Variants in ERO1B observed in about 807,000 individuals in gnomAD.
The protein encoded by ERO1B is ERO1-like protein beta.
A neutral mutation model predicts 75.3 loss-of-function variants in ERO1B; 49 were observed. The ratio of observed to expected loss-of-function variants is 0.65; its 90% CI spans 0.52 to 0.83. The LOEUF (loss-of-function observed/expected upper bound fraction) is 0.83, where lower values mean the gene tolerates loss of function less well. ERO1B is among the 40% of genes least tolerant of loss of function. ERO1B has a pLI of 0.00. For synonymous variants in ERO1B, 191 were observed against 192.9 expected (o/e 0.99, Z 0.08); for missense variants, 512 against 560.1 (o/e 0.91, Z 0.87).
At chr1:236,250,572 C>CATATATATATATAT (rs1171832762) in intron 4 of ERO1B, among the ~76,000 whole-genome samples, 2 of 86,416 alleles carry the variant, frequency 2.3e-5, no homozygotes, top group Non-Finnish European at 5.1e-5. Flanking sequence ...TAAATTTGAC[C>CATATATATATATAT]ATATATATAT....
intron 1 of ERO1B, among the ~76,000 whole-genome samples, chr1:236,281,062 G>T (rs528597733): frequency 2.9e-4 from 44 of 152,296 alleles, no homozygotes; most frequent in Non-Finnish European, 5.6e-4. Context: ...GACCCCCCCA[G>T]TCTCGTATTG....
At chr1:236,273,535 C>T (rs1296062192) in intron 1 of ERO1B, among the ~76,000 whole-genome samples, 1 of 152,144 alleles carries the variant, frequency 6.6e-6, no homozygotes, top group African/African-American at 2.4e-5. Context: ...AAGAGTTTCT[C>T]CAGGTTGGGC....
chr1:236,219,846 C>A (rs956955006), intron 15 of ERO1B, among the ~76,000 whole-genome samples: 2 of 151,758 alleles, frequency 1.3e-5, no homozygotes, highest in South Asian at 2.1e-4. Context: ...CAAAGTGAGA[C>A]CCCCATCTCT....
chr1:236,250,356 G>C (rs12405953), intron 4 of ERO1B, among the ~76,000 whole-genome samples: 10,398 of 151,820 alleles, frequency 0.068, 742 homozygotes, highest in East Asian at 0.39. Flanking sequence ...TGTAATCCCA[G>C]CTACTCGGGA....
intron 6 of ERO1B, among the ~76,000 whole-genome samples, chr1:236,239,662 A>C (rs1295608517): frequency 6.6e-6 from 1 of 151,446 alleles, no homozygotes; most frequent in Non-Finnish European, 1.5e-5. Flanking sequence ...TCTCTAAATT[A>C]TCTGGCCCTC....
At chr1:236,243,372 TA>T (rs1664761249) in intron 6 of ERO1B, 49 bp downstream of exon 6, 1 of 1,252,410 alleles carries the variant, frequency 8.0e-7, no homozygotes, top group Non-Finnish European at 1.1e-6. Context: ...AAATGTCTTA[TA>T]AAAGGGTTAA....
At chr1:236,260,997 A>G (rs968540989) in intron 2 of ERO1B, among the ~76,000 whole-genome samples, 3 of 145,622 alleles carry the variant, frequency 2.1e-5, no homozygotes, top group African/African-American at 7.5e-5. Context: ...GAGATGCAAG[A>G]GTAGTTTGAT....
At chr1:236,257,160 C>T (rs959655298) in intron 2 of ERO1B, among the ~76,000 whole-genome samples, 1 of 152,184 alleles carries the variant, frequency 6.6e-6, no homozygotes, top group Non-Finnish European at 1.5e-5. Context: ...CCACTAAGAA[C>T]AGAGACAGCA....
At chr1:236,247,943 A>T (rs1207498243) in intron 5 of ERO1B, among the ~76,000 whole-genome samples, 1 of 146,548 alleles carries the variant, frequency 6.8e-6, no homozygotes, top group African/African-American at 2.5e-5. Context: ...CTGACCACCC[A>T]ATTTAAAACA....
intron 2 of ERO1B, among the ~76,000 whole-genome samples, chr1:236,268,249 A>G (rs1024330234): frequency 3.3e-5 from 5 of 152,136 alleles, no homozygotes; most frequent in Admixed American, 2.0e-4. Flanking sequence ...TGACCAGCCT[A>G]GCCAACATGG....
intron 4 of ERO1B, among the ~76,000 whole-genome samples, chr1:236,250,486 A>G (rs555030244): frequency 6.6e-6 from 1 of 151,060 alleles, no homozygotes; most frequent in Non-Finnish European, 1.5e-5. Context: ...AAATAAATAA[A>G]AATTCAAAAG....
At chr1:236,281,584 G>GGCCCTGCCCA (rs1665830865) in intron 1 of ERO1B, 98 bp downstream of exon 1, 2 of 901,612 alleles carry the variant, frequency 2.2e-6, no homozygotes, top group Non-Finnish European at 3.0e-6. Context: ...TTTCTGGCCC[G>GGCCCTGCCCA]GCCCTGCCCG....
chr1:236,247,396 A>G (rs572151411), intron 5 of ERO1B, among the ~76,000 whole-genome samples: 8 of 152,168 alleles, frequency 5.3e-5, no homozygotes, highest in African/African-American at 9.6e-5. Context: ...CCAAAAGCTC[A>G]TATCTTCTCA....
chr1:236,268,853 T>C (rs755675620), intron 2 of ERO1B, among the ~76,000 whole-genome samples: 1 of 152,088 alleles, frequency 6.6e-6, no homozygotes, highest in Non-Finnish European at 1.5e-5. Context: ...GCCACTGCAC[T>C]CCAGCCTGGG....
intron 13 of ERO1B, among the ~76,000 whole-genome samples, chr1:236,222,458 A>G (rs1004875415): frequency 2.0e-5 from 3 of 152,190 alleles, no homozygotes; most frequent in Non-Finnish European, 4.4e-5. Flanking sequence ...ATACTTGTAT[A>G]CTATAACATG....
At chr1:236,226,915 G>A (rs192552506) in intron 10 of ERO1B, among the ~76,000 whole-genome samples, 176 bp from the exon 11 acceptor site, 53 of 152,264 alleles carry the variant, frequency 3.5e-4, no homozygotes, top group Non-Finnish European at 6.9e-4. Flanking sequence ...TAAGATTTTG[G>A]CTTCAGAATG....
intron 15 of ERO1B, chr1:236,220,027 T>TAAAAA (rs1558503946): frequency 2.2e-4 from 29 of 132,942 alleles, no homozygotes; most frequent in African/African-American, 9.1e-4. Context: ...CTCATCTCTT[T>TAAAAA]TAAAAAAAAA....
intron 1 of ERO1B, among the ~76,000 whole-genome samples, chr1:236,279,564 C>T (rs1205627987): frequency 2.7e-5 from 4 of 146,832 alleles, no homozygotes; most frequent in African/African-American, 5.0e-5. Flanking sequence ...CGCGGTGGCT[C>T]ACGCCTGTAA....
intron 6 of ERO1B, among the ~76,000 whole-genome samples, chr1:236,239,203 C>T (rs550504679): frequency 6.6e-6 from 1 of 152,184 alleles, no homozygotes; most frequent in South Asian, 2.1e-4. Flanking sequence ...TTTTTCAAAT[C>T]ATGAAAAGAG....
Sources: gnomAD v4.1 joint callset for allele counts (sites outside exome capture counted in the v4.1 genomes callset) on GRCh38, gnomAD v4.1.1 for gene constraint, MANE v1.5 for transcripts, NCBI Gene and HGNC (gene_info 2026-07-23, HGNC 2026-07-21) for gene names.